Variants in DMD observed in about 807,000 individuals in gnomAD.
DMD encodes dystrophin.
DMD carries 63 observed loss-of-function variants against 330.1 expected under a neutral mutation model. The ratio of observed to expected loss-of-function variants is 0.19; its 90% CI spans 0.16 to 0.24. The LOEUF (loss-of-function observed/expected upper bound fraction) is 0.24. Ranked by LOEUF, DMD falls within the 10% of genes least tolerant of loss-of-function variation. The pLI is 1.00. For synonymous variants in DMD, 1,223 were observed against 959.8 expected (o/e 1.27, Z -5.07); for missense variants, 3,344 against 2,684.1 (o/e 1.25, Z -5.43).
intron 21 of DMD, among the ~76,000 whole-genome samples, chrX:32,483,741 A>G (rs1404182618): frequency 2.1e-5 from 2 of 95,011 alleles, no homozygotes; most frequent in Non-Finnish European, 4.1e-5. Flanking sequence ...GAAATCCACT[A>G]GAGGGAGCTG....
chrX:31,928,796 T>C (rs1273284305), intron 47 of DMD, among the ~76,000 whole-genome samples: 1 of 111,708 alleles, frequency 9.0e-6, no homozygotes, highest in African/African-American at 3.3e-5. Context: ...GGTATGTGAA[T>C]TATAGCTCGG....
At chrX:32,277,108 A>G (rs1490941426) in intron 43 of DMD, among the ~76,000 whole-genome samples, 1 of 111,854 alleles carries the variant, frequency 8.9e-6, no homozygotes, top group East Asian at 2.8e-4. Context: ...TTCCATGCCA[A>G]TGGAAACCCA....
At position 32,302,862 on chromosome X, in the gene DMD, C is replaced by T. The variant is rs375363886; in HGVS notation, c.6117+7220G>A. Among the ~76,000 whole-genome samples the T allele has an allele frequency of 6.3e-5, 7 of 110,888 alleles. No individual in the cohort carries two copies. The East Asian group carries it at 1.1e-3, about 18-fold the overall frequency. Reference sequence around the variant, plus strand: ...GTTATTATCACTGATTTAATTTCAACGTTAAAAAACAGGCCTAAATATCTT... The same window carrying T: ...GTTATTATCACTGATTTAATTTCAATGTTAAAAAACAGGCCTAAATATCTT... On this transcript the variant is annotated intron_variant, in intron 42 of 78. Coordinates refer to ENST00000357033, the MANE Select transcript of DMD (RefSeq NM_004006.3).
intron 44 of DMD, among the ~76,000 whole-genome samples, chrX:31,992,126 T>C (rs2095555342): frequency 9.0e-6 from 1 of 111,643 alleles, no homozygotes; most frequent in Non-Finnish European, 1.9e-5. Flanking sequence ...CTGAGGGAAG[T>C]TAGAGGGTAA....
At chrX:31,699,325 C>G (rs775968666) in intron 52 of DMD, among the ~76,000 whole-genome samples, 2 of 112,384 alleles carry the variant, frequency 1.8e-5, no homozygotes, top group South Asian at 7.3e-4. Context: ...GAAAGCTCAC[C>G]TTACAAGGTT....
chrX:33,213,806 C>T (rs1277877426), upstream of DMD, among the ~76,000 whole-genome samples: 1 of 111,260 alleles, frequency 9.0e-6, no homozygotes, highest in Non-Finnish European at 1.9e-5. Flanking sequence ...AGGAAACTGA[C>T]ATTGATATGT....
chrX:32,508,256 T>C (rs763548593), intron 18 of DMD, among the ~76,000 whole-genome samples: 4 of 111,190 alleles, frequency 3.6e-5, no homozygotes, highest in Non-Finnish European at 5.7e-5. Context: ...TATTTGTCAA[T>C]GTTCAGACGA....
intron 55 of DMD, among the ~76,000 whole-genome samples, chrX:31,536,388 G>A (rs1444350622): frequency 9.0e-6 from 1 of 111,363 alleles, no homozygotes. Flanking sequence ...GAAAACAGAA[G>A]GAAAAGAGGT....
At chrX:31,962,238 C>T (rs777946059) in intron 45 of DMD, among the ~76,000 whole-genome samples, 23 of 111,578 alleles carry the variant, frequency 2.1e-4, no homozygotes, top group Middle Eastern at 4.6e-3. Context: ...AGTGTTATCA[C>T]CATCACTTCC....
chrX:32,942,137 AAGAG>A (rs1397512364), intron 2 of DMD, among the ~76,000 whole-genome samples: 1 of 78,803 alleles, frequency 1.3e-5, no homozygotes, highest in African/African-American at 8.1e-5. Flanking sequence ...ACGTGTACAT[AAGAG>A]AGACAGAGAA....
chrX:31,573,351 C>A (rs1406417889), intron 55 of DMD, among the ~76,000 whole-genome samples: 1 of 111,808 alleles, frequency 8.9e-6, no homozygotes, highest in Non-Finnish European at 1.9e-5. Context: ...CTATAACACT[C>A]AGATATTGGC....
At chrX:31,809,156 AATAT>A (rs1050351654) in intron 50 of DMD, among the ~76,000 whole-genome samples, 1 of 55,314 alleles carries the variant, frequency 1.8e-5, no homozygotes, top group African/African-American at 7.1e-5. Context: ...TTTATATATA[AATAT>A]ATATGAGTTT....
intron 59 of DMD, among the ~76,000 whole-genome samples, chrX:31,448,011 C>CAAAAAAAAAA (rs1198070119): frequency 5.7e-5 from 2 of 35,295 alleles, no homozygotes; most frequent in Admixed American, 3.5e-4. Flanking sequence ...ACTCTGTCTC[C>CAAAAAAAAAA]AAAAAAAAAA....
At chrX:31,984,456 G>T (rs904475772) in intron 44 of DMD, among the ~76,000 whole-genome samples, 1 of 112,181 alleles carries the variant, frequency 8.9e-6, no homozygotes, top group Non-Finnish European at 1.9e-5. Context: ...TTTGATACAC[G>T]AAGGTGAATG....
chrX:32,744,199 T>G, intron 7 of DMD, among the ~76,000 whole-genome samples: 1 of 111,053 alleles, frequency 9.0e-6, no homozygotes, highest in Middle Eastern at 4.7e-3. Context: ...TACAATTTTT[T>G]TTTTTTTTGC....
intron 1 of DMD, among the ~76,000 whole-genome samples, chrX:33,250,761 A>T (rs2052759687): frequency 9.0e-6 from 1 of 111,377 alleles, no homozygotes; most frequent in South Asian, 3.7e-4. Flanking sequence ...ACCATTTAAA[A>T]TATAAATATA....
At chrX:33,127,140 G>A (rs1487746781) in intron 1 of DMD, among the ~76,000 whole-genome samples, 2 of 109,028 alleles carry the variant, frequency 1.8e-5, no homozygotes, top group Non-Finnish European at 3.8e-5. Context: ...AATTTAATGC[G>A]GTGTACTTTA....
intron 44 of DMD, among the ~76,000 whole-genome samples, chrX:32,107,497 G>C (rs2096570244): frequency 9.2e-6 from 1 of 109,038 alleles, no homozygotes; most frequent in Non-Finnish European, 1.9e-5. Flanking sequence ...AGAGCTGATA[G>C]TGTAGTTCCA....
At chrX:32,380,763 T>C in intron 33 of DMD, 83 bp from the exon 34 acceptor site, 1 of 751,961 alleles carries the variant, frequency 1.3e-6, no homozygotes. Flanking sequence ...AACTTTTATA[T>C]TTCTGTTATT....
Sources: allele counts gnomAD v4.1 joint callset (sites outside exome capture counted in the v4.1 genomes callset), GRCh38; gene constraint gnomAD v4.1.1; transcripts MANE v1.5; gene names NCBI Gene and HGNC (gene_info 2026-07-23, HGNC 2026-07-21).